Variants in ANKFN1 observed in about 807,000 individuals in gnomAD.
ANKFN1 encodes the protein ankyrin repeat and fibronectin type-III domain-containing protein 1.
In ANKFN1, 74 loss-of-function variants were observed where a neutral mutation model predicts 108.7. The observed-to-expected ratio is 0.68, with a 90% CI of 0.56 to 0.83. The LOEUF is 0.83. Among genes scored for constraint, ANKFN1 ranks in the 40% least tolerant of loss-of-function variants. ANKFN1 has a pLI of 0.00. For synonymous variants in ANKFN1, 547 were observed against 516.2 expected, an observed-to-expected ratio of 1.06 and a Z score of -0.81; for missense variants, 1,505 against 1,382.3, an observed-to-expected ratio of 1.09 and a Z score of -1.41.
At chr17:56,073,930 C>T (rs141839055) in intron 4 of ANKFN1, among the ~76,000 whole-genome samples, 1 of 152,250 alleles carries the variant, frequency 6.6e-6, no homozygotes, top group East Asian at 1.9e-4. Flanking sequence ...GTTGTTTCCA[C>T]CTTTTGGAGA....
intron 4 of ANKFN1, among the ~76,000 whole-genome samples, chr17:56,334,761 A>G (rs1329220602): frequency 6.6e-6 from 1 of 152,182 alleles, no homozygotes; most frequent in Non-Finnish European, 1.5e-5. Context: ...TATCAGAGCC[A>G]TACTTTTAAT....
At chr17:56,301,587 C>A (rs1393176687) in intron 3 of ANKFN1, among the ~76,000 whole-genome samples, 1 of 152,178 alleles carries the variant, frequency 6.6e-6, no homozygotes, top group Non-Finnish European at 1.5e-5. Flanking sequence ...GAGATCCAAT[C>A]AAAGAACGTC....
chr17:56,228,009 A>G (rs781479775), intron 3 of ANKFN1, 52 bp downstream of exon 3: 1 of 1,489,484 alleles, frequency 6.7e-7, no homozygotes. Context: ...TGTAATTCCT[A>G]AAGCCTCCTA....
chr17:56,204,561 G>T (rs576790969), intron 1 of ANKFN1, among the ~76,000 whole-genome samples: 1 of 151,708 alleles, frequency 6.6e-6, no homozygotes, highest in East Asian at 2.0e-4. Context: ...GGTTGGTCTC[G>T]AACTACTGAC....
At chr17:56,454,910 A>G (rs569713426) in intron 11 of ANKFN1, among the ~76,000 whole-genome samples, 1 of 152,316 alleles carries the variant, frequency 6.6e-6, no homozygotes, top group Non-Finnish European at 1.5e-5. Flanking sequence ...GTTGATTTCC[A>G]GAGAACAAGC....
intron 3 of ANKFN1, among the ~76,000 whole-genome samples, chr17:56,279,599 T>C (rs57458279): frequency 0.014 from 2,152 of 152,216 alleles, 62 homozygotes; most frequent in African/African-American, 0.05. Context: ...CCTCTCTCTG[T>C]TTTTTCTCTT....
chr17:56,058,513 T>C (rs1334160445), intron 4 of ANKFN1, among the ~76,000 whole-genome samples: 1 of 150,962 alleles, frequency 6.6e-6, no homozygotes, highest in Non-Finnish European at 1.5e-5. Context: ...AACATGCAGG[T>C]TTGTTACATA....
At chr17:56,220,343 C>T (rs902508895) in intron 2 of ANKFN1, among the ~76,000 whole-genome samples, 15 of 152,154 alleles carry the variant, frequency 9.9e-5, no homozygotes, top group African/African-American at 3.6e-4. Flanking sequence ...TTGTACTAGT[C>T]CAGTCTCCCA....
Position 56,199,559 on chromosome 17 carries a change from A to C in ANKFN1, c.-70-13039A>C, listed in dbSNP as rs191591597. 1.2e-4 allele frequency among the ~76,000 whole-genome samples: 18 copies of C among 152,216 alleles called. No homozygotes were observed. The East Asian group carries it at 3.5e-3, about 29-fold the overall frequency. On this transcript the variant is annotated intron_variant, in intron 1 of 20. Coordinates refer to ENST00000682825, the MANE Select transcript of ANKFN1 (RefSeq NM_001370326.1). ...TTTCTCTCTCCCCAGCCCAGCCCCT[A>C]AATATCCTCCTTTTCCTGGCATTTG...
At chr17:56,174,541 C>A in intron 1 of ANKFN1, 1 of 489,406 alleles carries the variant, frequency 2.0e-6, no homozygotes, top group Non-Finnish European at 2.7e-6. Flanking sequence ...CCCTTCTCAC[C>A]ATCATCTTTG....
intron 1 of ANKFN1, among the ~76,000 whole-genome samples, chr17:56,188,116 G>A (rs991030331): frequency 6.6e-6 from 1 of 152,054 alleles, no homozygotes; most frequent in Non-Finnish European, 1.5e-5. Flanking sequence ...TAAATACATT[G>A]CATGAGGCTA....
intron 3 of ANKFN1, among the ~76,000 whole-genome samples, chr17:56,231,445 G>GT (rs1296134074): frequency 3.3e-5 from 5 of 152,154 alleles, no homozygotes; most frequent in African/African-American, 1.2e-4. Flanking sequence ...GATTTGTTCT[G>GT]TTTCTATTCA....
Position 56,449,104 on chromosome 17 carries a change from G to T in ANKFN1, c.1125G>T (p.Glu375Asp), listed in dbSNP as rs1472923431. 1.9e-6 allele frequency: 3 copies of T among 1,613,394 alleles called. No homozygotes were observed. The highest frequency in any genetic ancestry group is 2.5e-6 in the Non-Finnish European group (3 of 1,179,604). The change falls in exon 11 of 21, where the codon GAG (glutamate) becomes GAT (aspartate). Residue 375 changes from glutamate (E) to aspartate (D), a missense_variant. Transcript: ENST00000682825. The stretch of plus-strand genomic sequence containing the variant: ...ACTGGAAAGACTATGACGACAGAGA[G>T]CCCAGACACAAGGGACAGAGTGAAG... ...PSNWKDYDDREPRHKGQSEVL... is the reference protein window; with the variant it reads ...PSNWKDYDDRDPRHKGQSEVL...
At chr17:56,102,745 A>G (rs1409421703) in intron 4 of ANKFN1, among the ~76,000 whole-genome samples, 3 of 152,138 alleles carry the variant, frequency 2.0e-5, no homozygotes, top group African/African-American at 7.2e-5. Flanking sequence ...TATTCCTATA[A>G]CATCATCATT....
intron 6 of ANKFN1, among the ~76,000 whole-genome samples, chr17:56,354,375 C>T (rs924273438): frequency 2.0e-4 from 31 of 152,240 alleles, no homozygotes; most frequent in Admixed American, 1.6e-3. Context: ...TGAGCATTTG[C>T]GTGTTTCTGT....
chr17:56,279,962 CA>C (rs1374697355), intron 3 of ANKFN1, among the ~76,000 whole-genome samples: 2 of 151,114 alleles, frequency 1.3e-5, no homozygotes, highest in African/African-American at 4.9e-5. Context: ...GATTGCTTGC[CA>C]AACCAATTAA....
intron 19 of ANKFN1, among the ~76,000 whole-genome samples, chr17:56,498,568 A>T (rs1199219263): frequency 6.6e-6 from 1 of 152,212 alleles, no homozygotes; most frequent in Non-Finnish European, 1.5e-5. Flanking sequence ...TTACAAATAA[A>T]GCAACTAAGG....
At chr17:56,156,557 C>T (rs1042265631) in intron 1 of ANKFN1, 3 of 152,208 alleles carry the variant, frequency 2.0e-5, no homozygotes, top group African/African-American at 7.2e-5. Flanking sequence ...AGCAAGACAA[C>T]TGGAAACGTA....
intron 3 of ANKFN1, among the ~76,000 whole-genome samples, chr17:56,299,774 G>T (rs1356142777): frequency 6.6e-6 from 1 of 152,088 alleles, no homozygotes; most frequent in Non-Finnish European, 1.5e-5. Context: ...GCTGGCACAT[G>T]GTAAACCCCA....
Sources: allele counts gnomAD v4.1 joint callset (sites outside exome capture counted in the v4.1 genomes callset), GRCh38; gene constraint gnomAD v4.1.1; transcripts MANE v1.5; gene names NCBI Gene and HGNC (gene_info 2026-07-23, HGNC 2026-07-21).